The following MYLK variants were observed in gnomAD, a reference collection of about 807,000 sequenced individuals.
MYLK encodes myosin light chain kinase.
Under a neutral mutation model 203.4 loss-of-function variants are expected in MYLK, and 106 were observed. The observed-to-expected ratio is 0.52, with a 90% confidence interval of 0.45 to 0.61. The LOEUF is 0.61. Ranked by LOEUF, MYLK falls within the 20% of genes least tolerant of loss-of-function variation. The probability of loss-of-function intolerance (pLI) is 0.00; values close to 1 mark genes in which losing one functional copy is unlikely to be tolerated. For synonymous variants in MYLK, 867 were observed against 959.5 expected, an observed-to-expected ratio of 0.90 and a Z score of 1.78; for missense variants, 2,072 against 2,442.3, an observed-to-expected ratio of 0.85 and a Z score of 3.20.
intron 2 of MYLK, among the ~76,000 whole-genome samples, chr3:123,869,160 CT>C (rs2032558701): frequency 1.3e-5 from 2 of 152,048 alleles, no homozygotes; most frequent in Non-Finnish European, 2.9e-5. Context: ...AAGCAGGGTC[CT>C]CATCCCCTAA....
chr3:123,745,254 T>C (rs2062980850), intron 5 of MYLK, among the ~76,000 whole-genome samples: 1 of 152,094 alleles, frequency 6.6e-6, no homozygotes, highest in Non-Finnish European at 1.5e-5. Context: ...CCCCTAGTGC[T>C]TGCCCCCTAA....
At position 123,878,612 on chromosome 3, in the gene MYLK, C is replaced by T. The variant is rs765546638; in HGVS notation, c.-185-1995G>A. On this transcript the variant is annotated intron_variant, in intron 1 of 33. Transcript: ENST00000360304. ...TCCATTCTTCCTGCCTATGTCAGGC[C>T]GTTCACCTTCCTATGCCATCACCAT... 1.1e-4 allele frequency among the ~76,000 whole-genome samples: 16 copies of T among 152,202 alleles called. No individual in the cohort carries two copies. Among genetic ancestry groups the T allele is most frequent in the African/African-American group, 2.9e-4 (12 of 41,444 alleles).
intron 20 of MYLK, among the ~76,000 whole-genome samples, chr3:123,676,762 A>G (rs1291516575): frequency 6.6e-6 from 1 of 152,212 alleles, no homozygotes; most frequent in East Asian, 1.9e-4. Flanking sequence ...TCAAATATTT[A>G]TTATAAACCT....
chr3:123,745,164 G>A (rs2062977555), intron 5 of MYLK, among the ~76,000 whole-genome samples: 1 of 151,942 alleles, frequency 6.6e-6, no homozygotes, highest in Non-Finnish European at 1.5e-5. Context: ...AGGAACCACC[G>A]ATTTATATAT....
At chr3:123,831,467 C>T (rs1463693840) in intron 3 of MYLK, 81 bp downstream of exon 3, 3 of 1,284,394 alleles carry the variant, frequency 2.3e-6, no homozygotes, top group African/African-American at 3.0e-5. Flanking sequence ...TAGAAAGACA[C>T]ACAGCTCCCC....
At position 123,613,163 on chromosome 3, in the gene MYLK, C is replaced by T. The variant is rs923935536; in HGVS notation, c.*942G>A. Reference sequence around the variant, plus strand: ...TTCCAAAGTACATGGAGTTCTCCAGCTCTTTATCAGTTGAAATCTGTTTCA... The same window carrying T: ...TTCCAAAGTACATGGAGTTCTCCAGTTCTTTATCAGTTGAAATCTGTTTCA... On this transcript the variant is annotated 3_prime_UTR_variant, in exon 34 of 34. Transcript: ENST00000360304. 1 of 152,198 alleles carries T rather than the reference C, an allele frequency of 6.6e-6. No individual in the cohort carries two copies. The highest frequency in any genetic ancestry group is 6.5e-5 in the Admixed American group (1 of 15,280). 9.4% of individuals were successfully genotyped at this position (152,198 alleles called of 1,614,324 possible).
intron 4 of MYLK, among the ~76,000 whole-genome samples, chr3:123,775,593 C>T (rs1173804811): frequency 6.6e-6 from 1 of 152,032 alleles, no homozygotes; most frequent in African/African-American, 2.4e-5. Flanking sequence ...TAGTCTGGAG[C>T]CCAGTGAAGA....
chr3:123,792,063 G>A (rs186554550), intron 4 of MYLK, among the ~76,000 whole-genome samples: 10 of 152,286 alleles, frequency 6.6e-5, no homozygotes, highest in African/African-American at 2.4e-4. Context: ...CAGTGTGTTG[G>A]CTCCTGGCCA....
chr3:123,636,249 C>T (rs960576091), intron 29 of MYLK, among the ~76,000 whole-genome samples: 19 of 152,234 alleles, frequency 1.2e-4, no homozygotes, highest in Non-Finnish European at 2.9e-5. Flanking sequence ...ACTGGGACGA[C>T]TGGTCCCCTG....
intron 11 of MYLK, among the ~76,000 whole-genome samples, chr3:123,726,895 T>C (rs1167355707): frequency 3.3e-5 from 5 of 152,196 alleles, no homozygotes; most frequent in African/African-American, 1.2e-4. Flanking sequence ...AAGGTGGAAC[T>C]GGATTTGGTG....
intron 13 of MYLK, among the ~76,000 whole-genome samples, chr3:123,717,780 T>C (rs1272070370): frequency 6.6e-6 from 1 of 151,952 alleles, no homozygotes; most frequent in African/African-American, 2.4e-5. Flanking sequence ...GGTTAACTAT[T>C]GGGGAATTTT....
At chr3:123,620,407 A>G (rs2057790155) in intron 31 of MYLK, 71 bp from the exon 32 acceptor site, 1 of 1,609,418 alleles carries the variant, frequency 6.2e-7, no homozygotes, top group African/African-American at 1.3e-5. Flanking sequence ...GAGGGGCTGC[A>G]GGGAGTAGAG....
chr3:123,826,705 C>T (rs1269995145), intron 3 of MYLK, among the ~76,000 whole-genome samples: 2 of 152,192 alleles, frequency 1.3e-5, no homozygotes, highest in African/African-American at 2.4e-5. Flanking sequence ...ACATTTATAT[C>T]CTCCAACCTT....
chr3:123,851,979 C>T (rs1299723929), intron 2 of MYLK, among the ~76,000 whole-genome samples: 1 of 152,128 alleles, frequency 6.6e-6, no homozygotes, highest in East Asian at 1.9e-4. Flanking sequence ...TGTCAAAGGC[C>T]TTTTCTGCAT....
intron 27 of MYLK, among the ~76,000 whole-genome samples, chr3:123,645,399 G>A (rs916793272): frequency 4.6e-5 from 7 of 152,144 alleles, no homozygotes; most frequent in Non-Finnish European, 7.3e-5. Flanking sequence ...TGGCATGAGG[G>A]GAGAGAAAAG....
chr3:123,797,632 A>G (rs2065036611), intron 3 of MYLK, among the ~76,000 whole-genome samples: 1 of 152,094 alleles, frequency 6.6e-6, no homozygotes, highest in Non-Finnish European at 1.5e-5. Context: ...TATCATGAGG[A>G]TCAGACTTTT....
chr3:123,689,034 G>A (rs755149432), intron 19 of MYLK, among the ~76,000 whole-genome samples: 1 of 152,164 alleles, frequency 6.6e-6, no homozygotes, highest in Non-Finnish European at 1.5e-5. Flanking sequence ...GGCAGTGCCT[G>A]GCACAGAGTG....
At chr3:123,783,297 T>C (rs2064371499) in intron 4 of MYLK, among the ~76,000 whole-genome samples, 1 of 152,154 alleles carries the variant, frequency 6.6e-6, no homozygotes, top group Non-Finnish European at 1.5e-5. Flanking sequence ...TAATCAGTAC[T>C]TCCAACAAAG....
In MYLK at chr3:123,682,265, C is replaced by T. The variant is rs142421063; in HGVS notation, c.3611G>A (p.Arg1204Gln). 41 of 1,603,866 alleles carry T rather than the reference C, an allele frequency of 2.6e-5. No individual in the cohort carries two copies. Among genetic ancestry groups the T allele is most frequent in the South Asian group, 1.7e-4 (15 of 88,300 alleles). ...ENTKAPEMKSRRPKSSLPPVL... is the reference protein window; with the variant it reads ...ENTKAPEMKSQRPKSSLPPVL... ...GGGAGGAAGAGAGCTCTTGGGCCTC[C>T]GGGATTTCATCTCTGGGGCCTTGGT... The change falls in exon 20 of 34, where the codon CGG becomes CAG. Residue 1204 changes from arginine (R) to glutamine (Q), a missense_variant. By Grantham distance (43) the Arg-to-Gln change is conservative. Around this residue, in one of 3 missense-constraint regions of MYLK, gnomAD observed 865 missense variants for 1,016.0 expected, o/e 0.85. Transcript: ENST00000360304.
Sources: gnomAD v4.1 joint callset for allele counts (sites outside exome capture counted in the v4.1 genomes callset) on GRCh38, gnomAD v4.1.1 for gene constraint, gnomAD v4.1.1 regional missense constraint, MANE v1.5 for transcripts, NCBI Gene and HGNC (gene_info 2026-07-23, HGNC 2026-07-21) for gene names.